FSD1: variants seen among roughly 807,000 people sequenced by gnomAD.
FSD1 encodes the protein fibronectin type III and SPRY domain-containing protein 1.
In FSD1, 23 loss-of-function variants were observed where a neutral mutation model predicts 58.2. That is an observed-to-expected ratio of 0.40 (90% confidence interval 0.28 to 0.56). The LOEUF (loss-of-function observed/expected upper bound fraction) is 0.56. Among genes scored for constraint, FSD1 ranks in the 20% least tolerant of loss-of-function variants. The pLI, the probability that FSD1 is intolerant of heterozygous loss-of-function variation, is 0.54. For missense variants in FSD1, 563 were observed against 670.8 expected (o/e 0.84, Z 1.78); for synonymous variants, 265 against 263.4 (o/e 1.01, Z -0.06).
intron 7 of FSD1, 62 bp downstream of exon 7, chr19:4,312,113 C>G (rs1488386381): frequency 2.1e-6 from 3 of 1,401,664 alleles, no homozygotes; most frequent in Non-Finnish European, 2.0e-6. Context: ...AGCCTCCCGT[C>G]TCGCCATCAG....
intron 6 of FSD1, chr19:4,310,808 G>C: frequency 1.9e-6 from 1 of 530,376 alleles, no homozygotes; most frequent in Non-Finnish European, 3.4e-6. Flanking sequence ...CCCACCCACT[G>C]TGTAGTGACA....
rs138205709 is a variant in FSD1 at position 4,306,026 on chromosome 19, G to C, written c.96G>C (p.Met32Ile). Residue 32 changes from methionine to isoleucine, a missense_variant, in exon 2 of 13, where the codon ATG (methionine) becomes ATC (isoleucine). Physicochemically the swap from Met to Ile is conservative, Grantham distance 10. Coordinates refer to ENST00000221856, the MANE Select transcript of FSD1 (RefSeq NM_024333.3). ...GCTTTATCTACTCCCTGAAACAGAT[G>C]CTGCTGAACGTGGAGGTGAAGGCGG... The part of the protein sequence containing the change: ...IQSFIYSLKQ[M>I]LLNVEANSAK... 21 of 1,613,938 alleles carry C rather than the reference G, an allele frequency of 1.3e-5. No homozygotes were observed. Among genetic ancestry groups the C allele is most frequent in the African/African-American group, 2.7e-5 (2 of 74,930 alleles).
rs904168672 is a variant in FSD1, at chr19:4,310,712, G to C, written c.490+116G>C. The C allele has an allele frequency of 4.0e-6, 5 of 1,244,600 alleles. No individual in the cohort carries two copies. The African/African-American group carries it at 6.0e-5, about 15-fold the overall frequency. The allele number at this position is 1,244,600 out of a possible 1,614,324, so 77.1% of individuals were successfully genotyped here. On this transcript the variant is annotated intron_variant, in intron 6 of 12. Transcript: ENST00000221856. ...CGACCCGGTGTCTGAATTCCGCCTG[G>C]GGGAGGTGGAGCTCTGAGAATTCCA...
chr19:4,306,341 G>A lies in FSD1; in HGVS notation c.243+12G>A, dbSNP rs765977377. The A allele has an allele frequency of 1.9e-6, 3 of 1,613,132 alleles. No individual in the cohort carries two copies. The Admixed American group carries it at 5.0e-5, about 27-fold the overall frequency. On this transcript the variant is annotated intron_variant, in intron 3 of 12. Coordinates refer to ENST00000221856, the MANE Select transcript of FSD1 (RefSeq NM_024333.3). ...CCTACGAGCTGCAGGTGAGGGCTGA[G>A]GGCATCTTCCTCTCCCCCCGCCCCT... is the stretch of plus-strand genomic sequence containing the variant.
At chr19:4,310,952 T>G in intron 6 of FSD1, 1 of 198,478 alleles carries the variant, frequency 5.0e-6, no homozygotes, top group Non-Finnish European at 1.1e-5. Flanking sequence ...GAAAATCCTG[T>G]CCCCAGGGGT....
rs867424541 is a variant in FSD1 at position 4,323,055 on chromosome 19, G to C, written c.1109G>C (p.Gly370Ala). ...VRYEPDSKAFGVGVAYRSLGR... is the reference protein window; with the variant it reads ...VRYEPDSKAFAVGVAYRSLGR... ...TACGAGCCGGACAGCAAGGCGTTCG[G>C]CGTGGGCGTGGCCTACCGCAGCCTG... The change falls in exon 11 of 13, where the codon GGC becomes GCC. Residue 370 changes from glycine (G) to alanine (A), a missense_variant. Transcript: ENST00000221856. The surrounding 1 kb of genome is among the most constrained non-coding windows in gnomAD (Gnocchi z 7.7). 2 of 1,611,766 alleles carry C rather than the reference G, an allele frequency of 1.2e-6. No homozygotes were observed.
rs899433377 is a variant in FSD1, at chr19:4,314,987, G to C, written c.701-2195G>C. Among the ~76,000 whole-genome samples the C allele has an allele frequency of 2.0e-5, 3 of 152,286 alleles. No individual in the cohort carries two copies. The South Asian group carries it at 6.2e-4, about 32-fold the overall frequency. On this transcript the variant is annotated intron_variant, in intron 7 of 12. Coordinates refer to ENST00000221856, the MANE Select transcript of FSD1 (RefSeq NM_024333.3). ...GTGAATTCCTCAGGGCAGAAAGTTG[G>C]ATTCATGGAAAGCTGTGCAGGAGTA...
chr19:4,313,993 AC>A (rs1171611901), intron 7 of FSD1, among the ~76,000 whole-genome samples: 4 of 151,210 alleles, frequency 2.6e-5, no homozygotes, highest in Admixed American at 1.3e-4. Context: ...GCGCCACTGC[AC>A]TCCAGCTTGG....
At chr19:4,322,501 A>G (rs77014208) in intron 10 of FSD1, among the ~76,000 whole-genome samples, 1 of 134,856 alleles carries the variant, frequency 7.4e-6, no homozygotes, top group Admixed American at 7.5e-5. Flanking sequence ...TATCTGGAGG[A>G]TATAGCAGGA....
At chr19:4,305,501 A>T (rs1971608377) in intron 1 of FSD1, among the ~76,000 whole-genome samples, 1 of 151,320 alleles carries the variant, frequency 6.6e-6, no homozygotes, top group African/African-American at 2.4e-5. Context: ...CACCTTCAGG[A>T]TGTAGGTATC....
At chr19:4,309,998 C>CA (rs1568378928) in intron 4 of FSD1, among the ~76,000 whole-genome samples, 1 of 151,728 alleles carries the variant, frequency 6.6e-6, no homozygotes, top group African/African-American at 2.4e-5. Context: ...GAGGCTGAGG[C>CA]AGGCGGATCA....
chr19:4,317,146 A>G (rs769223901), intron 7 of FSD1, 36 bp from the exon 8 acceptor site: 1 of 1,152,644 alleles, frequency 8.7e-7, no homozygotes, highest in Admixed American at 1.7e-5. Flanking sequence ...CTCAGGGAAT[A>G]ATACACAGTG....
At chr19:4,312,517 A>C (rs1490627332) in intron 7 of FSD1, among the ~76,000 whole-genome samples, 1 of 149,176 alleles carries the variant, frequency 6.7e-6, no homozygotes, top group Admixed American at 6.7e-5. Context: ...ATAATAATGA[A>C]TATAGGCCGG....
intron 3 of FSD1, among the ~76,000 whole-genome samples, chr19:4,306,825 C>A (rs949328567): frequency 6.6e-6 from 1 of 152,066 alleles, no homozygotes; most frequent in African/African-American, 2.4e-5. Context: ...CCCCTCCTGT[C>A]TTCACTCAGT....
At chr19:4,313,051 C>A (rs546174735) in intron 7 of FSD1, among the ~76,000 whole-genome samples, 15 of 150,480 alleles carry the variant, frequency 1.0e-4, no homozygotes, top group African/African-American at 3.4e-4. Flanking sequence ...TTGGCAGTTA[C>A]AAGAAATTGA....
rs186729901 is a variant in FSD1 at position 4,305,897 on chromosome 19, C to T, written c.16-49C>T. ...GCGTACACGTGTGTGTACCTGTGTG[C>T]GCACATGTGTGTGTGCACCTGTGTG... On this transcript the variant is annotated intron_variant, in intron 1 of 12. Coordinates refer to ENST00000221856, the MANE Select transcript of FSD1 (RefSeq NM_024333.3). 32 of 1,366,868 alleles carry T rather than the reference C, an allele frequency of 2.3e-5. 1 individual carries two copies. The highest frequency in any genetic ancestry group is 6.9e-5 in the East Asian group (3 of 43,738). 84.7% of individuals were successfully genotyped at this position (1,366,868 alleles called of 1,614,324 possible).
In FSD1 at chr19:4,323,734, C is replaced by A; in HGVS notation, c.*91C>A. On this transcript the variant is annotated 3_prime_UTR_variant, in exon 13 of 13. Coordinates refer to ENST00000221856, the MANE Select transcript of FSD1 (RefSeq NM_024333.3). The surrounding 1 kb of genome is among the most constrained non-coding windows in gnomAD (Gnocchi z 7.7). Reference sequence around the variant, plus strand: ...GCCAGGCACCCTCCTCTGTCACTTGCTGCTTGGAGCCTTAACTCCAGATGG... The same window carrying A: ...GCCAGGCACCCTCCTCTGTCACTTGATGCTTGGAGCCTTAACTCCAGATGG... 1 of 878,150 alleles carries A rather than the reference C, an allele frequency of 1.1e-6. No homozygotes were observed. Among genetic ancestry groups the A allele is most frequent in the Non-Finnish European group, 1.8e-6 (1 of 569,318 alleles). The allele number at this position is 878,150 out of a possible 1,614,324, so 54.4% of individuals were successfully genotyped here. A position where few individuals can be genotyped will look rare whatever the true frequency, so the allele number is the denominator to read the frequency against.
chr19:4,310,414 C>T lies in FSD1; in HGVS notation c.369-61C>T. On this transcript the variant is annotated intron_variant, in intron 5 of 12. Transcript: ENST00000221856. ...GACGGGAGCCCTGGGGAGGGGCCCCCTCGCGCCACGGATGACCAGGCCTGG... is the reference window on the plus strand; with the variant it reads ...GACGGGAGCCCTGGGGAGGGGCCCCTTCGCGCCACGGATGACCAGGCCTGG... 1.9e-6 allele frequency: 3 copies of T among 1,604,402 alleles called. No individual in the cohort carries two copies. In the South Asian group the frequency reaches 3.3e-5, roughly 18 times the overall value.
chr19:4,317,004 C>T (rs1164517521), intron 7 of FSD1, among the ~76,000 whole-genome samples, 178 bp from the exon 8 acceptor site: 1 of 152,158 alleles, frequency 6.6e-6, no homozygotes, highest in South Asian at 2.1e-4. Flanking sequence ...CCATGCGCCT[C>T]GGCCTTCCAA....
Sources: allele counts gnomAD v4.1 joint callset (sites outside exome capture counted in the v4.1 genomes callset), GRCh38; gene constraint gnomAD v4.1.1; non-coding constraint Gnocchi (gnomAD v3.1); transcripts MANE v1.5; gene names NCBI Gene and HGNC (gene_info 2026-07-23, HGNC 2026-07-21).